Variants in ZFHX3 observed in about 807,000 individuals in gnomAD.
ZFHX3 encodes the protein zinc finger homeobox protein 3.
ZFHX3 carries 42 observed loss-of-function variants against 279.1 expected under a neutral mutation model. The ratio of observed to expected loss-of-function variants is 0.15; its 90% CI spans 0.12 to 0.19. The LOEUF (loss-of-function observed/expected upper bound fraction) is 0.19. ZFHX3 is among the 10% of genes least tolerant of loss of function. ZFHX3 has a pLI of 1.00. For missense variants in ZFHX3, 4,981 were observed against 4,754.0 expected (o/e 1.05, Z -1.40); for synonymous variants, 2,293 against 1,957.8 (o/e 1.17, Z -4.52).
chr16:73,668,796 A>G (rs988685341), intron 2 of ZFHX3, among the ~76,000 whole-genome samples: 1 of 152,230 alleles, frequency 6.6e-6, no homozygotes, highest in Admixed American at 6.5e-5. Context: ...TATGCAGCCA[A>G]CAAACATATG....
At chr16:73,816,807 C>A (rs528543250) in intron 1 of ZFHX3, among the ~76,000 whole-genome samples, 1 of 152,300 alleles carries the variant, frequency 6.6e-6, no homozygotes, top group South Asian at 2.1e-4. Flanking sequence ...TGAGAGTAGG[C>A]ACAAGCCAGA....
At chr16:73,449,857 A>T (rs1184258249) in intron 3 of ZFHX3, among the ~76,000 whole-genome samples, 7 of 151,034 alleles carry the variant, frequency 4.6e-5, no homozygotes, top group Non-Finnish European at 1.0e-4. Context: ...TCTTAATCAT[A>T]GATTGTTTCA....
intron 4 of ZFHX3, among the ~76,000 whole-genome samples, chr16:73,312,024 C>G (rs2015340064): frequency 6.6e-6 from 1 of 152,108 alleles, no homozygotes; most frequent in Admixed American, 6.6e-5. Flanking sequence ...CTCTGTGGGG[C>G]ACTTATCTGG....
chr16:73,363,370 A>G (rs2016467822), intron 3 of ZFHX3, among the ~76,000 whole-genome samples: 1 of 152,234 alleles, frequency 6.6e-6, no homozygotes, highest in Admixed American at 6.5e-5. Context: ...TCCAAATTCT[A>G]TTGACTTGTT....
chr16:73,610,347 C>T (rs369960288), intron 2 of ZFHX3, among the ~76,000 whole-genome samples: 3 of 152,262 alleles, frequency 2.0e-5, no homozygotes, highest in East Asian at 1.9e-4. Flanking sequence ...ATTTGCTTTC[C>T]GGGTGTTGTG....
At chr16:72,859,916 A>T (rs927751346) in intron 4 of ZFHX3, among the ~76,000 whole-genome samples, 6 of 152,234 alleles carry the variant, frequency 3.9e-5, no homozygotes, top group Non-Finnish European at 5.9e-5. Context: ...AGGCCGTAAG[A>T]CAGGCTAGTT....
At chr16:73,012,147 GA>G (rs1382091520) in intron 1 of ZFHX3, among the ~76,000 whole-genome samples, 2 of 152,200 alleles carry the variant, frequency 1.3e-5, no homozygotes, top group Non-Finnish European at 2.9e-5. Flanking sequence ...TGCCAACTGA[GA>G]ACTTGATCTC....
At chr16:73,326,876 G>T (rs1332992445) in intron 3 of ZFHX3, among the ~76,000 whole-genome samples, 1 of 152,152 alleles carries the variant, frequency 6.6e-6, no homozygotes, top group African/African-American at 2.4e-5. Context: ...AACATACCTT[G>T]GAGGCGATGC....
chr16:72,915,892 C>A (rs1285657375), intron 3 of ZFHX3, among the ~76,000 whole-genome samples: 2 of 152,222 alleles, frequency 1.3e-5, no homozygotes, highest in African/African-American at 2.4e-5. Flanking sequence ...AGTTCCAACG[C>A]CCATTCTAAG....
chr16:73,180,334 C>T (rs911077198), intron 5 of ZFHX3, among the ~76,000 whole-genome samples: 1 of 152,166 alleles, frequency 6.6e-6, no homozygotes, highest in African/African-American at 2.4e-5. Flanking sequence ...TCATTCTTCT[C>T]TTTATTTTAT....
At chr16:73,337,322 C>A (rs74981520) in intron 3 of ZFHX3, among the ~76,000 whole-genome samples, 3 of 152,146 alleles carry the variant, frequency 2.0e-5, no homozygotes, top group African/African-American at 7.2e-5. Context: ...CACGTTCTGG[C>A]GACTGTTTTG....
intron 3 of ZFHX3, among the ~76,000 whole-genome samples, chr16:73,348,536 C>A (rs906181640): frequency 2.6e-5 from 4 of 152,204 alleles, no homozygotes; most frequent in Non-Finnish European, 4.4e-5. Context: ...GATGTTTCCA[C>A]GGGCGTTTCT....
At chr16:73,339,077 CTTCTT>C (rs1159328143) in intron 3 of ZFHX3, among the ~76,000 whole-genome samples, 3 of 152,146 alleles carry the variant, frequency 2.0e-5, no homozygotes, top group African/African-American at 7.2e-5. Context: ...GCCAATTAAA[CTTCTT>C]TTCTTTTAAA....
chr16:73,464,145 G>A (rs538220150), intron 2 of ZFHX3, among the ~76,000 whole-genome samples: 3 of 151,958 alleles, frequency 2.0e-5, no homozygotes, highest in Admixed American at 2.0e-4. Context: ...TTACTAATTT[G>A]TAAACAGTCC....
rs184589262 is a variant in ZFHX3, at chr16:73,151,687, C to T, written c.-1103-7856G>A. ...TTAGGTCTGTCCTACGTGTTGAGGT[C>T]TGACGAAGTAGAGTTGGAGATCTAA... On this transcript the variant is annotated intron_variant, in intron 5 of 17. Transcript: ENST00000641206. 3.9e-5 allele frequency among the ~76,000 whole-genome samples: 6 copies of T among 152,156 alleles called. No individual in the cohort carries two copies. The East Asian group carries it at 9.7e-4, about 25-fold the overall frequency.
At chr16:73,076,029 C>A (rs1965884017) in intron 8 of ZFHX3, among the ~76,000 whole-genome samples, 2 of 152,092 alleles carry the variant, frequency 1.3e-5, no homozygotes, top group Admixed American at 1.3e-4. Flanking sequence ...TGGATGGCCC[C>A]CAACAAATCA....
At chr16:73,874,135 T>G (rs745541961) in intron 1 of ZFHX3, among the ~76,000 whole-genome samples, 14 of 152,186 alleles carry the variant, frequency 9.2e-5, no homozygotes, top group Non-Finnish European at 2.1e-4. Context: ...TCTACATATG[T>G]GTGTGCCTAT....
rs1258506690 is a variant in ZFHX3 at position 72,796,424 on chromosome 16, G to C, written c.6258C>G (p.Thr2086=). 6.2e-7 allele frequency: 1 copy of C among 1,611,488 alleles called. No homozygotes were observed. Among genetic ancestry groups the C allele is most frequent in the South Asian group, 1.1e-5 (1 of 91,072 alleles). ...IAPAQPSVPL[T]QLSMPMELPI... is the part of the protein sequence containing the mutation. ...GCAGCTCCATCGGCATGGAGAGCTG[G>C]GTGAGCGGCACTGATGGCTGGGCCG... Residue 2086 remains threonine, a synonymous_variant, in exon 9 of 10, where the codon ACC becomes ACG. Coordinates refer to ENST00000268489, the MANE Select transcript of ZFHX3 (RefSeq NM_006885.4).
At chr16:72,902,785 G>T (rs1222716549) in intron 3 of ZFHX3, among the ~76,000 whole-genome samples, 1 of 152,108 alleles carries the variant, frequency 6.6e-6, no homozygotes, top group African/African-American at 2.4e-5. Context: ...CTGACGGGGG[G>T]CTGAGGAGCC....
Sources: allele counts gnomAD v4.1 joint callset (sites outside exome capture counted in the v4.1 genomes callset), GRCh38; gene constraint gnomAD v4.1.1; transcripts MANE v1.5; gene names NCBI Gene and HGNC (gene_info 2026-07-23, HGNC 2026-07-21).